Variants in RASEF observed in about 807,000 individuals in gnomAD.
RASEF encodes the protein RAS and EF-hand domain containing, also known as ras and EF-hand domain-containing protein.
In RASEF, 68 loss-of-function variants were observed where a neutral mutation model predicts 90.1. The ratio of observed to expected loss-of-function variants is 0.75; its 90% CI spans 0.62 to 0.92. The LOEUF (loss-of-function observed/expected upper bound fraction) is 0.92. RASEF is among the 40% of genes least tolerant of loss of function. The probability of loss-of-function intolerance (pLI) is 0.00; values close to 1 mark genes in which losing one functional copy is unlikely to be tolerated. For synonymous variants in RASEF, 331 were observed against 345.2 expected (o/e 0.96, Z 0.46); for missense variants, 949 against 937.2 (o/e 1.01, Z -0.16).
chr9:83,162,387 T>C, the RASEF span, among the ~76,000 whole-genome samples: 1 of 152,124 alleles, frequency 6.6e-6, no homozygotes, highest in Admixed American at 6.5e-5. Flanking sequence ...CACAAAATAA[T>C]TAAAGAATGT....
chr9:83,140,143 C>G, the RASEF span, among the ~76,000 whole-genome samples: 23 of 152,152 alleles, frequency 1.5e-4, no homozygotes, highest in Admixed American at 9.2e-4. Context: ...AGGGGACCTT[C>G]TTTTCTGAAG....
chr9:83,068,420 G>GCTGCCATGTCA, the RASEF span, among the ~76,000 whole-genome samples: 1 of 152,224 alleles, frequency 6.6e-6, no homozygotes, highest in South Asian at 2.1e-4. Context: ...CTTTGAAGAA[G>GCTGCCATGTCA]TGAGCTGCCA....
Position 82,982,436 on chromosome 9 carries a change from C to T in RASEF, c.*241G>A. The stretch of plus-strand genomic sequence containing the variant: ...CATTTTAAAAACATTTACATGTTAT[C>T]TTTTAAGACCTGTAAGGACATGACT... On this transcript the variant is annotated 3_prime_UTR_variant, in exon 17 of 17. Transcript: ENST00000376447. 3.2e-6 allele frequency: 1 copy of T among 309,112 alleles called. No individual in the cohort carries two copies. Among genetic ancestry groups the T allele is most frequent in the South Asian group, 8.0e-5 (1 of 12,506 alleles). 19.1% of individuals were successfully genotyped at this position (309,112 alleles called of 1,614,324 possible). A position where few individuals can be genotyped will look rare whatever the true frequency, so the allele number is the denominator to read the frequency against.
the RASEF span, among the ~76,000 whole-genome samples, chr9:83,173,918 A>G: frequency 6.6e-6 from 1 of 151,692 alleles, no homozygotes; most frequent in Admixed American, 6.6e-5. Flanking sequence ...GTGTTTATTT[A>G]TGTAGATAGT....
At chr9:83,151,978 A>G in the RASEF span, among the ~76,000 whole-genome samples, 1 of 152,192 alleles carries the variant, frequency 6.6e-6, no homozygotes, top group Non-Finnish European at 1.5e-5. Context: ...AGAGGGGAAG[A>G]TACTTCAAGG....
the RASEF span, among the ~76,000 whole-genome samples, chr9:83,110,611 G>A: frequency 3.3e-5 from 5 of 152,224 alleles, no homozygotes; most frequent in Non-Finnish European, 7.4e-5. Context: ...AAAGAGGAGA[G>A]TCAGAAGAGA....
At chr9:83,036,706 A>T (rs2118621456) in intron 1 of RASEF, among the ~76,000 whole-genome samples, 2 of 152,332 alleles carry the variant, frequency 1.3e-5, no homozygotes, top group Middle Eastern at 6.8e-3. Flanking sequence ...TGCTGGAACA[A>T]CAACAAAAAA....
the RASEF span, among the ~76,000 whole-genome samples, chr9:83,164,672 C>T: frequency 2.0e-5 from 3 of 149,538 alleles, no homozygotes; most frequent in African/African-American, 7.3e-5. Context: ...AATGGTAACA[C>T]ATATGGGAAA....
At chr9:83,028,538 A>AT (rs1259442011) in intron 1 of RASEF, among the ~76,000 whole-genome samples, 1 of 152,214 alleles carries the variant, frequency 6.6e-6, no homozygotes, top group Non-Finnish European at 1.5e-5. Context: ...TGAAGGCAGC[A>AT]TTTTAAGATG....
chr9:83,104,743 C>G, the RASEF span, among the ~76,000 whole-genome samples: 1 of 152,256 alleles, frequency 6.6e-6, no homozygotes, highest in South Asian at 2.1e-4. Flanking sequence ...CTTTCAAACC[C>G]CTCATTTAAC....
At chr9:83,088,372 G>GGATAGATAGATAGATA in the RASEF span, among the ~76,000 whole-genome samples, 2,610 of 147,552 alleles carry the variant, frequency 0.018, 30 homozygotes, top group East Asian at 0.025. Context: ...ATAGATAGAT[G>GGATAGATAGATAGATA]GATAGATAGA....
chr9:83,214,277 A>C, the RASEF span, among the ~76,000 whole-genome samples: 1 of 152,170 alleles, frequency 6.6e-6, no homozygotes, highest in Non-Finnish European at 1.5e-5. Context: ...TCAGCTACTC[A>C]AGAGACTGAG....
chr9:82,993,134 C>A (rs1238519425), intron 14 of RASEF, 109 bp from the exon 15 acceptor site: 2 of 1,104,738 alleles, frequency 1.8e-6, no homozygotes. Flanking sequence ...CTCCTTTGTG[C>A]CAAATCCTAT....
At chr9:83,022,272 G>A (rs1829458197) in intron 3 of RASEF, 64 bp downstream of exon 3, 1 of 1,196,462 alleles carries the variant, frequency 8.4e-7, no homozygotes, top group Non-Finnish European at 1.2e-6. Flanking sequence ...AGAGTGCCTG[G>A]GCCCTCTCCG....
the RASEF span, among the ~76,000 whole-genome samples, chr9:83,183,920 G>A: frequency 1.7e-3 from 256 of 152,302 alleles, 2 homozygotes; most frequent in African/African-American, 5.0e-3. Context: ...GAATCACCTG[G>A]AGGGTTTGTT....
chr9:83,001,440 G>T (rs1829039845), intron 9 of RASEF, among the ~76,000 whole-genome samples: 1 of 152,090 alleles, frequency 6.6e-6, no homozygotes, highest in African/African-American at 2.4e-5. Context: ...ACAATCGCAA[G>T]TTGTATTCAT....
chr9:83,063,031 G>C lies in RASEF; in HGVS notation c.-164C>G, dbSNP rs1430640951. 9 of 728,728 alleles carry C rather than the reference G, an allele frequency of 1.2e-5. No homozygotes were observed. The highest frequency in any genetic ancestry group is 2.0e-6 in the Non-Finnish European group (1 of 493,168). The allele number at this position is 728,728 out of a possible 1,614,324, so 45.1% of individuals were successfully genotyped here. On this transcript the variant is annotated 5_prime_UTR_variant, in exon 1 of 17. Coordinates refer to ENST00000376447, the MANE Select transcript of RASEF (RefSeq NM_152573.4). ...CGTCGGGCGGGGCGAGGAACGTCGG[G>C]GGTGGCCGAGCGGCTCCCTTCGACG...
At chr9:83,193,260 A>G in the RASEF span, among the ~76,000 whole-genome samples, 1 of 152,212 alleles carries the variant, frequency 6.6e-6, no homozygotes, top group African/African-American at 2.4e-5. Flanking sequence ...ACACTAGGGC[A>G]ATAAAGAAAT....
the RASEF span, among the ~76,000 whole-genome samples, chr9:83,091,886 G>A: frequency 3.3e-5 from 5 of 151,904 alleles, no homozygotes; most frequent in African/African-American, 7.3e-5. Context: ...ATTTTTAAGT[G>A]GCCACTGAGC....
Sources: gnomAD v4.1 joint callset for allele counts (sites outside exome capture counted in the v4.1 genomes callset) on GRCh38, gnomAD v4.1.1 for gene constraint, MANE v1.5 for transcripts, NCBI Gene and HGNC (gene_info 2026-07-23, HGNC 2026-07-21) for gene names.